Variants in BAZ1B observed in about 807,000 individuals in gnomAD.
The protein encoded by BAZ1B is tyrosine-protein kinase BAZ1B.
BAZ1B carries 22 observed loss-of-function variants against 153.8 expected under a neutral mutation model. That is an observed-to-expected ratio of 0.14 (90% CI 0.10 to 0.20). The LOEUF (loss-of-function observed/expected upper bound fraction) is 0.20. Among genes scored for constraint, BAZ1B ranks in the 10% least tolerant of loss-of-function variants. The pLI is 1.00. For missense variants in BAZ1B, 1,325 were observed against 1,799.3 expected, an observed-to-expected ratio of 0.74 and a Z score of 4.77; for synonymous variants, 676 against 633.4, an observed-to-expected ratio of 1.07 and a Z score of -1.01.
chr7:73,511,953 C>T (rs566332856), intron 1 of BAZ1B, among the ~76,000 whole-genome samples: 1 of 144,506 alleles, frequency 6.9e-6, no homozygotes, highest in South Asian at 2.2e-4. Flanking sequence ...ATCACTTGAA[C>T]CTGGGAGGCC....
At chr7:73,487,557 T>C (rs1344659289) in intron 6 of BAZ1B, among the ~76,000 whole-genome samples, 1 of 152,178 alleles carries the variant, frequency 6.6e-6, no homozygotes, top group African/African-American at 2.4e-5. Context: ...AAAACAGAGC[T>C]GTAAGATTAG....
chr7:73,480,409 A>T (rs1583917359), intron 6 of BAZ1B, among the ~76,000 whole-genome samples: 1 of 152,328 alleles, frequency 6.6e-6, no homozygotes, highest in Non-Finnish European at 1.5e-5. Context: ...ATTGAAAAAA[A>T]GAAAAACCAA....
intron 7 of BAZ1B, among the ~76,000 whole-genome samples, 168 bp downstream of exon 7, chr7:73,476,700 T>C (rs1313290394): frequency 6.6e-6 from 1 of 152,232 alleles, no homozygotes; most frequent in African/African-American, 2.4e-5. Context: ...AGCTGAAATA[T>C]GAAATTATCA....
rs1790438843 is a variant in BAZ1B, at chr7:73,508,553, TCTTTC to T, written c.225-87_225-83del. Reference sequence around the variant, plus strand: ...ATTCAAGTCAATTCAAACATTTCTTTCTTTCTTTTCCAAACATTTCAAACATTTAT... The same window carrying T: ...ATTCAAGTCAATTCAAACATTTCTTTTTTTCCAAACATTTCAAACATTTAT... On this transcript the variant is annotated intron_variant, in intron 2 of 19. Coordinates refer to ENST00000339594, the MANE Select transcript of BAZ1B (RefSeq NM_032408.4). 20 of 1,427,214 alleles carry T rather than the reference TCTTTC, an allele frequency of 1.4e-5. No individual in the cohort carries two copies. The South Asian group carries it at 2.6e-4, about 19-fold the overall frequency. The allele number at this position is 1,427,214 out of a possible 1,614,324, so 88.4% of individuals were successfully genotyped here.
intron 3 of BAZ1B, among the ~76,000 whole-genome samples, chr7:73,500,901 A>C (rs1374420937): frequency 6.8e-5 from 10 of 147,924 alleles, no homozygotes; most frequent in African/African-American, 2.3e-4. Flanking sequence ...AAAAAAAAAA[A>C]AAAAACAGAG....
At chr7:73,466,639 AG>A (rs1482189349) in intron 9 of BAZ1B, among the ~76,000 whole-genome samples, 3 of 152,352 alleles carry the variant, frequency 2.0e-5, no homozygotes, top group African/African-American at 7.2e-5. Context: ...TCCAAAGTTT[AG>A]GGGTACTGCA....
rs1231834779 is a variant in BAZ1B, at chr7:73,449,550, G to C, written c.3720C>G (p.Ser1240=). The C allele has an allele frequency of 1.2e-6, 2 of 1,609,916 alleles. No homozygotes were observed. The highest frequency in any genetic ancestry group is 1.7e-6 in the Non-Finnish European group (2 of 1,178,680). ...AAAGAAAAGATTCTCACCTGCCACG[G>C]GAGTTGCGCCTGGCAGTAGCGGGCT... ...ACQPATARRN[S]RGRNYTEESA... The change falls in exon 15 of 20, where the codon TCC becomes TCG. Residue 1240 remains serine, a synonymous_variant. Coordinates refer to ENST00000339594, the MANE Select transcript of BAZ1B (RefSeq NM_032408.4).
intron 4 of BAZ1B, among the ~76,000 whole-genome samples, chr7:73,497,123 G>A (rs1200446054): frequency 6.6e-6 from 1 of 150,504 alleles, no homozygotes; most frequent in Non-Finnish European, 1.5e-5. Flanking sequence ...CATGCCTACG[G>A]TCCCAGCTAC....
intron 5 of BAZ1B, among the ~76,000 whole-genome samples, chr7:73,490,337 CA>C (rs1161802616): frequency 3.3e-5 from 5 of 152,176 alleles, no homozygotes; most frequent in Admixed American, 1.3e-4. Context: ...ATAATATAAA[CA>C]GAATAGTTCT....
chr7:73,448,696 G>A (rs1787924718), intron 15 of BAZ1B, among the ~76,000 whole-genome samples: 1 of 152,228 alleles, frequency 6.6e-6, no homozygotes, highest in Non-Finnish European at 1.5e-5. Flanking sequence ...TCCCAGCTGG[G>A]AGAAAGGCAC....
rs1441635803 is a variant in BAZ1B, at chr7:73,522,209, A to C, written c.-276T>G. 2.6e-6 allele frequency: 1 copy of C among 388,886 alleles called. No individual in the cohort carries two copies. The highest frequency in any genetic ancestry group is 4.5e-6 in the Non-Finnish European group (1 of 220,190). The allele number at this position is 388,886 out of a possible 1,614,324, so 24.1% of individuals were successfully genotyped here. On this transcript the variant is annotated 5_prime_UTR_variant, in exon 1 of 20. Coordinates refer to ENST00000339594, the MANE Select transcript of BAZ1B (RefSeq NM_032408.4). ...CGGGTCCCGGCGGCCGGCAGTCACG[A>C]CTCCTCCTCAGCAGCACCGGAGGAA... is the stretch of plus-strand genomic sequence containing the variant.
At chr7:73,521,073 A>G (rs1228605177) in intron 1 of BAZ1B, among the ~76,000 whole-genome samples, 2 of 152,224 alleles carry the variant, frequency 1.3e-5, no homozygotes, top group African/African-American at 4.8e-5. Flanking sequence ...TGTTCCTAAA[A>G]TACAACATAA....
At chr7:73,460,051 C>T (rs1788338660) in intron 12 of BAZ1B, among the ~76,000 whole-genome samples, 1 of 151,986 alleles carries the variant, frequency 6.6e-6, no homozygotes, top group South Asian at 2.1e-4. Flanking sequence ...AAAAATTAGC[C>T]AGGCGTGGTG....
intron 6 of BAZ1B, 70 bp downstream of exon 6, chr7:73,489,124 A>G (rs1789533741): frequency 6.8e-7 from 1 of 1,466,972 alleles, no homozygotes; most frequent in East Asian, 2.3e-5. Flanking sequence ...CTATAAATAT[A>G]AATATACTGG....
rs1045956212 is a variant in BAZ1B at position 73,470,251 on chromosome 7, G to C, written c.2732+94C>G. 3.9e-6 allele frequency: 5 copies of C among 1,298,338 alleles called. No homozygotes were observed. The Admixed American group carries it at 7.3e-5, about 19-fold the overall frequency. 80.4% of individuals were successfully genotyped at this position (1,298,338 alleles called of 1,614,324 possible). ...AAAAAGAATTGGAAAACTGAAGAGAGAAGCTTGTCTATTCTTGTACTTTAG... is the reference window on the plus strand; with the variant it reads ...AAAAAGAATTGGAAAACTGAAGAGACAAGCTTGTCTATTCTTGTACTTTAG... On this transcript the variant is annotated intron_variant, in intron 8 of 19. Coordinates refer to ENST00000339594, the MANE Select transcript of BAZ1B (RefSeq NM_032408.4).
At chr7:73,509,638 T>C (rs750705602) in intron 2 of BAZ1B, among the ~76,000 whole-genome samples, 3 of 150,516 alleles carry the variant, frequency 2.0e-5, no homozygotes, top group African/African-American at 2.4e-5. Flanking sequence ...AGAGGCTGGC[T>C]TGATCCCAGG....
intron 6 of BAZ1B, 114 bp from the exon 7 acceptor site, chr7:73,478,683 A>G (rs1456382549): frequency 6.0e-6 from 5 of 832,818 alleles, no homozygotes; most frequent in African/African-American, 3.5e-5. Flanking sequence ...CTACATATTC[A>G]TATCTCTTCA....
intron 9 of BAZ1B, among the ~76,000 whole-genome samples, chr7:73,468,218 A>C (rs1470748930): frequency 3.9e-5 from 6 of 152,224 alleles, no homozygotes; most frequent in Non-Finnish European, 5.9e-5. Context: ...GAGCTGAAAG[A>C]AGCTTATGGA....
At chr7:73,521,033 G>C (rs782339859) in intron 1 of BAZ1B, among the ~76,000 whole-genome samples, 15 of 151,988 alleles carry the variant, frequency 9.9e-5, no homozygotes, top group African/African-American at 3.6e-4. Flanking sequence ...ATGACGAGAG[G>C]ATGCTTCCTT....
Sources: allele counts gnomAD v4.1 joint callset (sites outside exome capture counted in the v4.1 genomes callset), GRCh38; gene constraint gnomAD v4.1.1; transcripts MANE v1.5; gene names NCBI Gene and HGNC (gene_info 2026-07-23, HGNC 2026-07-21).